DPP4: variants seen among roughly 807,000 people sequenced by gnomAD.
DPP4 encodes ADCP-2.
Under a neutral mutation model 122.4 loss-of-function variants are expected in DPP4, and 93 were observed. The ratio of observed to expected loss-of-function variants is 0.76; its 90% CI spans 0.64 to 0.90. The LOEUF (loss-of-function observed/expected upper bound fraction) is 0.90, where lower values mean the gene tolerates loss of function less well. Among genes scored for constraint, DPP4 ranks in the 40% least tolerant of loss-of-function variants. The pLI, the probability that DPP4 is intolerant of heterozygous loss-of-function variation, is 0.00. For missense variants in DPP4, 914 were observed against 907.3 expected (o/e 1.01, Z -0.09); for synonymous variants, 321 against 302.9 (o/e 1.06, Z -0.62).
At chr2:162,031,759 G>T (rs976482908) in intron 10 of DPP4, among the ~76,000 whole-genome samples, 1 of 152,008 alleles carries the variant, frequency 6.6e-6, no homozygotes, top group Non-Finnish European at 1.5e-5. Flanking sequence ...CACTCCTGGG[G>T]GCATTTATCT....
chr2:162,051,053 C>A (rs1684365743), intron 2 of DPP4, among the ~76,000 whole-genome samples: 1 of 152,074 alleles, frequency 6.6e-6, no homozygotes, highest in African/African-American at 2.4e-5. Context: ...AGTTTCAAAT[C>A]TTTAATTTAA....
intron 10 of DPP4, among the ~76,000 whole-genome samples, chr2:162,026,734 C>T (rs896443756): frequency 2.0e-5 from 3 of 152,164 alleles, no homozygotes; most frequent in African/African-American, 7.2e-5. Flanking sequence ...TCTGCATCTG[C>T]CCAATGCAGG....
At chr2:162,011,001 G>C (rs1682683903) in intron 20 of DPP4, among the ~76,000 whole-genome samples, 1 of 152,116 alleles carries the variant, frequency 6.6e-6, no homozygotes, top group South Asian at 2.1e-4. Context: ...ATAAGAGTCA[G>C]AATGAGACTG....
Position 162,039,305 on chromosome 2 carries a change from A to C in DPP4, c.367-121T>G, listed in dbSNP as rs1683905298. On this transcript the variant is annotated intron_variant, in intron 5 of 25. Coordinates refer to ENST00000360534, the MANE Select transcript of DPP4 (RefSeq NM_001935.4). ...TTGTATAATTCTCACATGTTATCAT[A>C]TCTTATAATTTCCTCCGAGAATTTT... 10 of 860,200 alleles carry C rather than the reference A, an allele frequency of 1.2e-5. No homozygotes were observed. The South Asian group carries it at 1.5e-4, about 13-fold the overall frequency. 53.3% of individuals were successfully genotyped at this position (860,200 alleles called of 1,614,324 possible).
At chr2:162,073,930 A>G (rs755848549) in intron 1 of DPP4, 46 bp downstream of exon 1, 1 of 1,608,114 alleles carries the variant, frequency 6.2e-7, no homozygotes, top group Admixed American at 1.7e-5. Flanking sequence ...TTTGGCGAAG[A>G]GGTCCCCACA....
Position 161,993,006 on chromosome 2 carries a change from C to T in DPP4, c.*277G>A. On this transcript the variant is annotated 3_prime_UTR_variant, in exon 26 of 26. Coordinates refer to ENST00000360534, the MANE Select transcript of DPP4 (RefSeq NM_001935.4). ...AATCTATGCAAAGCCTCCATAAAAA[C>T]AATTCCTATTTGTTGTTTCAGCAGC... is the stretch of plus-strand genomic sequence containing the variant. The T allele has an allele frequency of 3.0e-6, 1 of 335,860 alleles. No individual in the cohort carries two copies. The highest frequency in any genetic ancestry group is 5.6e-6 in the Non-Finnish European group (1 of 177,862). 20.8% of individuals were successfully genotyped at this position (335,860 alleles called of 1,614,324 possible).
Position 162,073,245 on chromosome 2 carries a change from C to G in DPP4, c.94+154G>C. On this transcript the variant is annotated intron_variant, in intron 2 of 25. Coordinates refer to ENST00000360534, the MANE Select transcript of DPP4 (RefSeq NM_001935.4). The stretch of plus-strand genomic sequence containing the variant: ...CCGCGAAGTGAATCCAGCTGCTGCT[C>G]TACAAGCAGCAACAACAACTGGGAA... 3 of 688,136 alleles carry G rather than the reference C, an allele frequency of 4.4e-6. No individual in the cohort carries two copies. The South Asian group carries it at 5.4e-5, about 12-fold the overall frequency. The allele number at this position is 688,136 out of a possible 1,614,324, so 42.6% of individuals were successfully genotyped here.
Position 162,008,553 on chromosome 2 carries a change from A to G in DPP4, c.1987+9T>C, listed in dbSNP as rs1701340944. The stretch of plus-strand genomic sequence containing the variant: ...CCGTATCTCTTTGTACCTGGCAGCA[A>G]TTACATACCATAGTACTCCCACCGG... On this transcript the variant is annotated intron_variant, in intron 22 of 25. Coordinates refer to ENST00000360534, the MANE Select transcript of DPP4 (RefSeq NM_001935.4). 2 of 1,612,062 alleles carry G rather than the reference A, an allele frequency of 1.2e-6. No individual in the cohort carries two copies. Among genetic ancestry groups the G allele is most frequent in the South Asian group, 2.2e-5 (2 of 90,998 alleles).
rs2106136388 is a variant in DPP4 at position 162,047,873 on chromosome 2, C to A, written c.95-372G>T. ...GTAGCACATTTTATTTAGCCCAATA[C>A]ATCCAAAATATCATTTTGCCATGTA... On this transcript the variant is annotated intron_variant, in intron 2 of 25. Coordinates refer to ENST00000360534, the MANE Select transcript of DPP4 (RefSeq NM_001935.4). Among the ~76,000 whole-genome samples the A allele has an allele frequency of 1.3e-5, 2 of 152,282 alleles. 1 individual carries two copies. Among genetic ancestry groups the A allele is most frequent in the South Asian group, 4.1e-4 (2 of 4,824 alleles).
chr2:162,041,714 CA>C (rs1036934196), intron 5 of DPP4, among the ~76,000 whole-genome samples: 3 of 152,148 alleles, frequency 2.0e-5, no homozygotes, highest in African/African-American at 7.2e-5. Context: ...CTGAGCATGA[CA>C]AACCACCATG....
At chr2:162,002,253 C>T (rs982912365) in intron 23 of DPP4, among the ~76,000 whole-genome samples, 2 of 152,178 alleles carry the variant, frequency 1.3e-5, no homozygotes, top group Non-Finnish European at 2.9e-5. Flanking sequence ...TCCCTTTCCT[C>T]AATGGTGAGT....
At chr2:162,060,826 TA>T (rs1044465023) in intron 2 of DPP4, among the ~76,000 whole-genome samples, 2 of 152,150 alleles carry the variant, frequency 1.3e-5, no homozygotes, top group African/African-American at 4.8e-5. Flanking sequence ...GGGATTTTTT[TA>T]AAATCTTACC....
intron 2 of DPP4, among the ~76,000 whole-genome samples, chr2:162,052,902 C>G (rs144736943): frequency 2.0e-4 from 30 of 152,088 alleles, no homozygotes; most frequent in Non-Finnish European, 3.7e-4. Context: ...AGAGAAATGG[C>G]CTTTCATACC....
intron 23 of DPP4, among the ~76,000 whole-genome samples, chr2:161,997,539 A>G (rs981858678): frequency 6.6e-6 from 1 of 152,332 alleles, no homozygotes; most frequent in Non-Finnish European, 1.5e-5. Flanking sequence ...TATATTTGGT[A>G]CTAGTTTTGC....
At chr2:162,016,467 A>G (rs1190801831) in intron 18 of DPP4, among the ~76,000 whole-genome samples, 1 of 152,236 alleles carries the variant, frequency 6.6e-6, no homozygotes, top group Non-Finnish European at 1.5e-5. Flanking sequence ...ATTAAGTTAA[A>G]CACACAATTA....
rs541769698 is a variant in DPP4, at chr2:162,038,440, A to C, written c.493-18T>G. The C allele has an allele frequency of 1.9e-6, 3 of 1,590,248 alleles. No homozygotes were observed. The highest frequency in any genetic ancestry group is 2.6e-6 in the Non-Finnish European group (3 of 1,170,044). ...ACATATGCCTAGAAGGAAAAAAAAC[A>C]AGCATTGATATCTATAATACATGTC... On this transcript the variant is annotated intron_variant, in intron 7 of 25. Coordinates refer to ENST00000360534, the MANE Select transcript of DPP4 (RefSeq NM_001935.4).
intron 2 of DPP4, chr2:162,073,115 T>C: frequency 3.5e-6 from 1 of 281,958 alleles, no homozygotes; most frequent in Admixed American, 4.7e-5. Context: ...AATTTAAAAT[T>C]GAAATTTTAA....
chr2:162,006,703 T>C (rs1219665497), intron 22 of DPP4, among the ~76,000 whole-genome samples: 1 of 152,188 alleles, frequency 6.6e-6, no homozygotes, highest in Admixed American at 6.5e-5. Flanking sequence ...ACATTATATA[T>C]ATTTGGCCTA....
chr2:162,048,489 C>A (rs897790000), intron 2 of DPP4, among the ~76,000 whole-genome samples: 2 of 152,138 alleles, frequency 1.3e-5, no homozygotes, highest in African/African-American at 4.8e-5. Flanking sequence ...CACTCCTTAG[C>A]CTGAAACTCA....
Sources: gnomAD v4.1 joint callset for allele counts (sites outside exome capture counted in the v4.1 genomes callset) on GRCh38, gnomAD v4.1.1 for gene constraint, MANE v1.5 for transcripts, NCBI Gene and HGNC (gene_info 2026-07-23, HGNC 2026-07-21) for gene names.